COL1A2: variants seen among roughly 807,000 people sequenced by gnomAD.
The protein encoded by COL1A2 is collagen alpha-2(I) chain.
A neutral mutation model predicts 174.3 loss-of-function variants in COL1A2; 49 were observed. The ratio of observed to expected loss-of-function variants is 0.28; its 90% CI spans 0.22 to 0.36. COL1A2 has a LOEUF of 0.36. COL1A2 is among the 10% of genes least tolerant of loss of function. The pLI is 1.00. For synonymous variants in COL1A2, 655 were observed against 606.6 expected, an observed-to-expected ratio of 1.08 and a Z score of -1.17; for missense variants, 1,438 against 1,822.7, an observed-to-expected ratio of 0.79 and a Z score of 3.84.
At chr7:94,399,020 T>C (rs575915867) in intron 3 of COL1A2, 29 bp from the exon 4 acceptor site, 1 of 1,609,698 alleles carries the variant, frequency 6.2e-7, no homozygotes, top group Non-Finnish European at 8.5e-7. Flanking sequence ...TAGGCATTTA[T>C]TATTGTCCTG....
chr7:94,410,982 T>C (rs1442741076), intron 22 of COL1A2, 40 bp downstream of exon 22: 6 of 1,612,346 alleles, frequency 3.7e-6, no homozygotes, highest in African/African-American at 2.7e-5. Flanking sequence ...AGGGGCTTGC[T>C]GCTTCTGGTG....
In COL1A2 at chr7:94,411,562, A is replaced by G. The variant is rs145263205; in HGVS notation, c.1350+408A>G. On this transcript the variant is annotated intron_variant, in intron 23 of 51. Coordinates refer to ENST00000297268, the MANE Select transcript of COL1A2 (RefSeq NM_000089.4). ...TAGCAATCACAAAGTGCTGTAATGT[A>G]TTCAGCATCACACTAGCTATGGAGA... is the stretch of plus-strand genomic sequence containing the variant. 5.3e-5 allele frequency among the ~76,000 whole-genome samples: 8 copies of G among 152,322 alleles called. No individual in the cohort carries two copies. The East Asian group carries it at 1.5e-3, about 29-fold the overall frequency.
chr7:94,429,892 T>A, intron 51 of COL1A2: 1 of 285,648 alleles, frequency 3.5e-6, no homozygotes, highest in East Asian at 7.6e-5. Context: ...TAAAATTCAC[T>A]AACAGCAAGA....
At chr7:94,412,256 T>G in intron 24 of COL1A2, 135 bp downstream of exon 24, 1 of 812,218 alleles carries the variant, frequency 1.2e-6, no homozygotes. Flanking sequence ...GAATGCAGAG[T>G]AATAGATTGT....
At chr7:94,417,156 A>G (rs2621213) in intron 31 of COL1A2, among the ~76,000 whole-genome samples, 42,575 of 152,088 alleles carry the variant, frequency 0.28, 6,097 homozygotes, top group Non-Finnish European at 0.31. Context: ...TGGGAAAAAA[A>G]TAAAAACATA....
At chr7:94,415,180 A>C in intron 29 of COL1A2, 46 bp from the exon 30 acceptor site, 1 of 1,557,570 alleles carries the variant, frequency 6.4e-7, no homozygotes, top group Non-Finnish European at 8.9e-7. Context: ...AAGTGAATTT[A>C]GAGATCACAC....
chr7:94,412,739 A>C (rs781742985), intron 25 of COL1A2, 57 bp downstream of exon 25: 73 of 1,456,586 alleles, frequency 5.0e-5, no homozygotes, highest in Admixed American at 2.4e-4. Flanking sequence ...AATTTTACCA[A>C]ACTCTAGTAT....
intron 31 of COL1A2, among the ~76,000 whole-genome samples, chr7:94,417,233 C>T (rs1177882128): frequency 6.6e-6 from 1 of 152,104 alleles, no homozygotes; most frequent in East Asian, 1.9e-4. Context: ...ATCTATGTAT[C>T]TCAGAAGCTA....
chr7:94,396,336 GTGTGTGTC>G (rs937043710), intron 1 of COL1A2, among the ~76,000 whole-genome samples: 2 of 151,032 alleles, frequency 1.3e-5, no homozygotes, highest in African/African-American at 4.9e-5. Context: ...GTGTGTGTGT[GTGTGTGTC>G]TGTGTGTCTG....
At chr7:94,412,895 A>T (rs551927390) in intron 25 of COL1A2, among the ~76,000 whole-genome samples, 188 bp from the exon 26 acceptor site, 56 of 152,212 alleles carry the variant, frequency 3.7e-4, no homozygotes, top group Non-Finnish European at 7.3e-4. Context: ...GCTTCCACAG[A>T]CACAGGGACA....
chr7:94,407,343 C>CACTACTACT (rs139122565), intron 12 of COL1A2, among the ~76,000 whole-genome samples: 67,833 of 149,208 alleles, frequency 0.45, 15,862 homozygotes, highest in East Asian at 0.75. Context: ...TATTAAATCC[C>CACTACTACT]ACTACTACTA....
rs1467019141 is a variant in COL1A2, at chr7:94,394,947, G to C, written c.-85G>C. 3.0e-5 allele frequency: 34 copies of C among 1,146,298 alleles called. 1 individual carries two copies. The South Asian group carries it at 4.2e-4, about 14-fold the overall frequency. 71.0% of individuals were successfully genotyped at this position (1,146,298 alleles called of 1,614,324 possible). A position where few individuals can be genotyped will look rare whatever the true frequency, so the allele number is the denominator to read the frequency against. ...TAAGTTGGAGGTACTGGCCACGACT[G>C]CATGCCCGCGCCCGCCAGGTGATAC... On this transcript the variant is annotated 5_prime_UTR_variant, in exon 1 of 52. Coordinates refer to ENST00000297268, the MANE Select transcript of COL1A2 (RefSeq NM_000089.4).
At chr7:94,407,134 G>T (rs1307776767) in intron 12 of COL1A2, among the ~76,000 whole-genome samples, 3 of 152,094 alleles carry the variant, frequency 2.0e-5, no homozygotes, top group Non-Finnish European at 4.4e-5. Flanking sequence ...CAATTGACTT[G>T]CCCAAAGTCA....
At chr7:94,425,977 T>C in intron 44 of COL1A2, 21 bp from the exon 45 acceptor site, 1 of 1,613,894 alleles carries the variant, frequency 6.2e-7, no homozygotes, top group Non-Finnish European at 8.5e-7. Context: ...CTAAGTTGTG[T>C]TTTTCTTTTT....
chr7:94,399,420 T>A (rs1791642843), intron 4 of COL1A2, among the ~76,000 whole-genome samples: 1 of 152,168 alleles, frequency 6.6e-6, no homozygotes. Flanking sequence ...TTCATTTGCT[T>A]TTGAACTAAG....
At position 94,421,052 on chromosome 7, in the gene COL1A2, G is replaced by T. The variant is rs1224862017; in HGVS notation, c.2339G>T (p.Gly780Val). The T allele has an allele frequency of 1.2e-6, 2 of 1,614,140 alleles. No homozygotes were observed. The highest frequency in any genetic ancestry group is 4.5e-5 in the East Asian group (2 of 44,870). Residue 780 changes from glycine (G) to valine (V), a missense_variant, in exon 38 of 52, where the codon GGA (glycine) becomes GTA (valine). By Grantham distance (109) the Gly-to-Val change is moderately radical (BLOSUM62 -3). Around this residue, in one of 3 missense-constraint regions of COL1A2, gnomAD observed 867 missense variants for 1,213.7 expected, o/e 0.71. Coordinates refer to ENST00000297268, the MANE Select transcript of COL1A2 (RefSeq NM_000089.4). ...PPGPAGSRGD[G>V]GPPGMTGFPG... ...GGTCCTGCTGGAAGTCGTGGTGATG[G>T]AGGCCCCCCTGTGAGTATTTACAAT...
intron 40 of COL1A2, 56 bp from the exon 41 acceptor site, chr7:94,424,280 C>A: frequency 6.9e-7 from 1 of 1,447,316 alleles, no homozygotes; most frequent in Non-Finnish European, 9.7e-7. Context: ...TTCAAGCCAA[C>A]CTGTGTTATC....
chr7:94,408,494 G>A (rs1791851934), intron 15 of COL1A2, 114 bp downstream of exon 15: 2 of 1,322,768 alleles, frequency 1.5e-6, no homozygotes, highest in African/African-American at 1.5e-5. Context: ...CAAATGTTCT[G>A]TGAGGTCTTT....
chr7:94,429,441 G>C lies in COL1A2; in HGVS notation c.3954+11G>C. ...GTAGATGGCTGCTCTGTAAGTAATA[G>C]TGAAATATGGGAATAGCTTTGGGAA... On this transcript the variant is annotated intron_variant, in intron 51 of 51. Coordinates refer to ENST00000297268, the MANE Select transcript of COL1A2 (RefSeq NM_000089.4). 1 of 1,613,686 alleles carries C rather than the reference G, an allele frequency of 6.2e-7. No individual in the cohort carries two copies. The highest frequency in any genetic ancestry group is 8.5e-7 in the Non-Finnish European group (1 of 1,179,940).
Sources: allele counts gnomAD v4.1 joint callset (sites outside exome capture counted in the v4.1 genomes callset), GRCh38; gene constraint gnomAD v4.1.1; regional missense constraint gnomAD v4.1.1; transcripts MANE v1.5; gene names NCBI Gene and HGNC (gene_info 2026-07-23, HGNC 2026-07-21).